The following COL19A1 variants were observed in gnomAD, a reference collection of about 807,000 sequenced individuals.
The protein encoded by COL19A1 is collagen type XIX alpha 1 chain.
A neutral mutation model predicts 190.2 loss-of-function variants in COL19A1; 159 were observed. The observed-to-expected ratio is 0.84, with a 90% confidence interval of 0.73 to 0.95. The LOEUF (loss-of-function observed/expected upper bound fraction) is 0.95, where lower values mean the gene tolerates loss of function less well. Ranked by LOEUF, COL19A1 falls within the 40% of genes least tolerant of loss-of-function variation. COL19A1 has a pLI of 0.00. For synonymous variants in COL19A1, 509 were observed against 458.9 expected (o/e 1.11, Z -1.39); for missense variants, 1,418 against 1,431.9 (o/e 0.99, Z 0.16).
chr6:69,895,909 A>C (rs150455663), intron 2 of COL19A1, among the ~76,000 whole-genome samples: 2 of 152,158 alleles, frequency 1.3e-5, no homozygotes, highest in Non-Finnish European at 2.9e-5. Flanking sequence ...GTTTTAGACT[A>C]TTATGTGTAA....
chr6:70,096,839 C>A (rs1783307039), intron 15 of COL19A1, among the ~76,000 whole-genome samples: 1 of 152,136 alleles, frequency 6.6e-6, no homozygotes, highest in Non-Finnish European at 1.5e-5. Context: ...TGCAGATTCT[C>A]AGATCTCACC....
chr6:70,030,163 A>T (rs959555701), intron 12 of COL19A1, among the ~76,000 whole-genome samples: 1 of 152,140 alleles, frequency 6.6e-6, no homozygotes, highest in Non-Finnish European at 1.5e-5. Flanking sequence ...TCAGCTTGTA[A>T]TTGGCTACAT....
rs1779156327 is a variant in COL19A1 at position 70,033,030 on chromosome 6, T to C, written c.1081-1215T>C. On this transcript the variant is annotated intron_variant, in intron 12 of 50. Transcript: ENST00000620364. ...TCATTTAATTTTTCACTCATCCTTT[T>C]TCTATAAATATTCCAAGGTAATGAT... is the stretch of plus-strand genomic sequence containing the variant. 2.0e-5 allele frequency among the ~76,000 whole-genome samples: 3 copies of C among 152,274 alleles called. No homozygotes were observed. In the South Asian group the frequency reaches 6.2e-4, roughly 32 times the overall value.
chr6:70,103,045 A>C (rs1211216814), intron 16 of COL19A1, among the ~76,000 whole-genome samples: 2 of 152,114 alleles, frequency 1.3e-5, no homozygotes, highest in African/African-American at 4.8e-5. Flanking sequence ...TGGATTAATG[A>C]ATGCCAGTTT....
rs548942841 is a variant in COL19A1, at chr6:69,983,986, C to T, written c.1026+21116C>T. The stretch of plus-strand genomic sequence containing the variant: ...ATAAAATGAGTTGAATACTGAATAA[C>T]CCCTTTTCTTGTTTCCAGAAGGAGT... On this transcript the variant is annotated intron_variant, in intron 11 of 50. Transcript: ENST00000620364. Among the ~76,000 whole-genome samples, 69 of 152,094 alleles carry T rather than the reference C, an allele frequency of 4.5e-4. 1 individual carries two copies. The South Asian group carries it at 0.014, about 32-fold the overall frequency.
chr6:70,029,722 A>G (rs1562100190), intron 12 of COL19A1, among the ~76,000 whole-genome samples: 1 of 152,186 alleles, frequency 6.6e-6, no homozygotes. Context: ...GCCTACTTTA[A>G]TGGTCATAAA....
rs566232173 is a variant in COL19A1, at chr6:70,057,350, C to G, written c.1171-11073C>G. On this transcript the variant is annotated intron_variant, in intron 14 of 50. Coordinates refer to ENST00000620364, the MANE Select transcript of COL19A1 (RefSeq NM_001858.6). ...AGCTTAGAGTTAACTGAAATAAAAC[C>G]ATTTCATTTAGTAGGTTACTGCCAA... Among the ~76,000 whole-genome samples the G allele has an allele frequency of 3.1e-3, 477 of 152,066 alleles. 1 individual carries two copies. Among genetic ancestry groups the G allele is most frequent in the Non-Finnish European group, 5.0e-3 (341 of 67,934 alleles).
At chr6:69,872,249 A>G (rs905522914) in intron 1 of COL19A1, among the ~76,000 whole-genome samples, 6 of 152,042 alleles carry the variant, frequency 3.9e-5, no homozygotes, top group African/African-American at 7.3e-5. Context: ...GGTACAATGG[A>G]CTTTCCCTAT....
intron 11 of COL19A1, among the ~76,000 whole-genome samples, chr6:69,987,611 T>C (rs189237942): frequency 1.3e-5 from 2 of 152,354 alleles, no homozygotes; most frequent in East Asian, 3.9e-4. Flanking sequence ...TTTCCAAATG[T>C]GAAAGACATA....
chr6:70,064,031 C>T (rs1257054807), intron 14 of COL19A1, among the ~76,000 whole-genome samples: 7 of 152,198 alleles, frequency 4.6e-5, no homozygotes, highest in Admixed American at 6.5e-5. Context: ...GATTCACAGC[C>T]GAATTCTACC....
chr6:69,973,443 C>T (rs1348726266), intron 11 of COL19A1, among the ~76,000 whole-genome samples: 5 of 152,174 alleles, frequency 3.3e-5, no homozygotes, highest in South Asian at 2.1e-4. Context: ...TTCATTTTTT[C>T]GCATATTTTT....
chr6:69,950,906 T>C (rs9454925), intron 9 of COL19A1, among the ~76,000 whole-genome samples: 97 of 152,000 alleles, frequency 6.4e-4, no homozygotes, highest in African/African-American at 2.3e-3. Context: ...ATAAAAGATA[T>C]ATTTCTCTAG....
chr6:70,079,679 G>A (rs1582860338), intron 15 of COL19A1, among the ~76,000 whole-genome samples: 1 of 152,214 alleles, frequency 6.6e-6, no homozygotes, highest in Middle Eastern at 3.4e-3. Flanking sequence ...GAAGGAAGCT[G>A]GTTTCTTAGC....
chr6:70,198,916 T>C (rs1377257279), intron 48 of COL19A1, among the ~76,000 whole-genome samples: 1 of 152,178 alleles, frequency 6.6e-6, no homozygotes, highest in Non-Finnish European at 1.5e-5. Context: ...ATGATCTGCT[T>C]CCAAGTTCAT....
intron 9 of COL19A1, among the ~76,000 whole-genome samples, chr6:69,948,833 A>G (rs1229844180): frequency 6.6e-6 from 1 of 151,816 alleles, no homozygotes; most frequent in Non-Finnish European, 1.5e-5. Flanking sequence ...CAGTGAATAT[A>G]AAGGAAAATA....
intron 11 of COL19A1, among the ~76,000 whole-genome samples, chr6:69,971,405 T>C (rs1319562921): frequency 6.6e-6 from 1 of 152,140 alleles, no homozygotes; most frequent in African/African-American, 2.4e-5. Flanking sequence ...AAGAGTTAAA[T>C]TACAGGTGAC....
chr6:70,122,567 C>T (rs556489975), intron 17 of COL19A1, among the ~76,000 whole-genome samples: 2 of 152,130 alleles, frequency 1.3e-5, no homozygotes, highest in Admixed American at 1.3e-4. Context: ...ATTCATCATT[C>T]AATGACAAAT....
intron 12 of COL19A1, among the ~76,000 whole-genome samples, chr6:70,023,996 A>G (rs1778591033): frequency 6.6e-6 from 1 of 151,624 alleles, no homozygotes; most frequent in South Asian, 2.1e-4. Flanking sequence ...TTGTGCTCTT[A>G]TCAGTGGTTC....
intron 1 of COL19A1, among the ~76,000 whole-genome samples, chr6:69,872,886 G>A (rs1191534494): frequency 6.6e-6 from 1 of 152,172 alleles, no homozygotes; most frequent in South Asian, 2.1e-4. Context: ...AATCTTGATA[G>A]AAATAGCTGA....
Sources: gnomAD v4.1 joint callset for allele counts (sites outside exome capture counted in the v4.1 genomes callset) on GRCh38, gnomAD v4.1.1 for gene constraint, MANE v1.5 for transcripts, NCBI Gene and HGNC (gene_info 2026-07-23, HGNC 2026-07-21) for gene names.